OARD1: variants seen among roughly 807,000 people sequenced by gnomAD.
OARD1 encodes O-acyl-ADP-ribose deacylase 1.
OARD1 carries 19 observed loss-of-function variants against 19.7 expected under a neutral mutation model. The observed-to-expected ratio is 0.96, with a 90% CI of 0.67 to 1.41. OARD1 has a LOEUF of 1.41. OARD1 is among the 40% of genes most tolerant of loss of function. The probability of loss-of-function intolerance (pLI) is 0.00; values close to 1 mark genes in which losing one functional copy is unlikely to be tolerated. For synonymous variants in OARD1, 70 were observed against 61.8 expected, an observed-to-expected ratio of 1.13 and a Z score of -0.62; for missense variants, 190 against 183.8, an observed-to-expected ratio of 1.03 and a Z score of -0.20.
intron 1 of OARD1, chr6:41,089,762 G>C (rs746866480): frequency 6.3e-7 from 1 of 1,587,076 alleles, no homozygotes; most frequent in South Asian, 1.1e-5. Context: ...GGAAGAGTCA[G>C]ATAACTGAGT....
chr6:41,089,824 A>G, intron 1 of OARD1: 1 of 1,443,886 alleles, frequency 6.9e-7, no homozygotes, highest in Non-Finnish European at 9.3e-7. Flanking sequence ...AAAACCATAA[A>G]AAAATATATT....
chr6:41,071,572 A>G (rs1369050900), intron 2 of OARD1, 24 bp downstream of exon 2: 5 of 1,595,848 alleles, frequency 3.1e-6, no homozygotes, highest in Non-Finnish European at 4.3e-6. Context: ...TCAGTTCACC[A>G]ATAAGTCAAT....
chr6:41,085,065 CAAAA>C (rs1356864725), intron 1 of OARD1, among the ~76,000 whole-genome samples: 3 of 151,270 alleles, frequency 2.0e-5, no homozygotes, highest in Admixed American at 1.3e-4. Context: ...CAAAAAAAAA[CAAAA>C]AGTCATTATA....
intron 1 of OARD1, among the ~76,000 whole-genome samples, 178 bp downstream of exon 1, chr6:41,072,058 G>A (rs781224173): frequency 2.0e-5 from 3 of 152,218 alleles, no homozygotes; most frequent in African/African-American, 7.2e-5. Flanking sequence ...AAAACAGAAG[G>A]GACTTGGCCA....
chr6:41,088,183 C>T (rs546761578), intron 1 of OARD1, among the ~76,000 whole-genome samples: 1 of 152,158 alleles, frequency 6.6e-6, no homozygotes, highest in East Asian at 1.9e-4. Context: ...CTTTGGGTGG[C>T]CGAGGCGGGT....
intron 1 of OARD1, among the ~76,000 whole-genome samples, chr6:41,078,670 C>T (rs1290588198): frequency 6.6e-6 from 1 of 152,136 alleles, no homozygotes; most frequent in African/African-American, 2.4e-5. Flanking sequence ...CGTGTTACAA[C>T]TTAAAGAAGC....
chr6:41,071,781 G>C (rs1763417974), intron 1 of OARD1, 106 bp from the exon 2 acceptor site: 3 of 657,988 alleles, frequency 4.6e-6, no homozygotes, highest in African/African-American at 3.6e-5. Flanking sequence ...AACGTTTATC[G>C]ATGAATGTGA....
intron 1 of OARD1, chr6:41,097,591 G>A (rs1764397647): frequency 1.7e-6 from 1 of 601,788 alleles, no homozygotes; most frequent in Non-Finnish European, 2.9e-6. Flanking sequence ...AATTGAAGTT[G>A]CAAGCCTTTG....
At chr6:41,080,767 T>G (rs761131907) in intron 1 of OARD1, 5 of 1,524,676 alleles carry the variant, frequency 3.3e-6, no homozygotes, top group Non-Finnish European at 4.5e-6. Context: ...AACTACACAT[T>G]TCCTTCCTGA....
At chr6:41,075,073 C>T (rs1763696835), upstream of OARD1, among the ~76,000 whole-genome samples, 1 of 152,134 alleles carries the variant, frequency 6.6e-6, no homozygotes, top group African/African-American at 2.4e-5. Flanking sequence ...GTGAGTTTTT[C>T]ATTGTTGCTT....
intron 1 of OARD1, among the ~76,000 whole-genome samples, chr6:41,086,550 C>A (rs1204531105): frequency 2.6e-5 from 4 of 152,132 alleles, no homozygotes; most frequent in African/African-American, 9.6e-5. Flanking sequence ...GTTGAGTAGC[C>A]ATTTTTTAAA....
At chr6:41,089,483 AT>A (rs1764139930) in intron 1 of OARD1, 3 of 1,354,100 alleles carry the variant, frequency 2.2e-6, no homozygotes, top group Non-Finnish European at 2.9e-6. Context: ...TCTTCAGAAC[AT>A]TTTCTGCTTT....
Position 41,071,200 on chromosome 6 carries a change from C to T in OARD1, c.116G>A (p.Arg39His), listed in dbSNP as rs777911574. ...GAGGACAGCTATCCCAGCGCCCATG[C>T]GACAATCCTCACTGATACAGTGGGC... ...SLAHCISEDC[R>H]MGAGIAVLFK... Residue 39 changes from arginine (R) to histidine (H), a missense_variant, in exon 3 of 6, where the codon CGC (arginine) becomes CAC (histidine). Coordinates refer to ENST00000424266, the MANE Select transcript of OARD1 (RefSeq NM_001329686.2). 3 of 1,613,990 alleles carry T rather than the reference C, an allele frequency of 1.9e-6. No homozygotes were observed. The highest frequency in any genetic ancestry group is 1.3e-5 in the African/African-American group (1 of 74,920).
At chr6:41,068,407 A>C (rs1337881950) in intron 5 of OARD1, among the ~76,000 whole-genome samples, 3 of 152,238 alleles carry the variant, frequency 2.0e-5, no homozygotes, top group African/African-American at 7.2e-5. Context: ...TATAAAAGGG[A>C]ATGATAATTT....
At chr6:41,093,878 G>A (rs985146758) in intron 1 of OARD1, among the ~76,000 whole-genome samples, 1 of 152,210 alleles carries the variant, frequency 6.6e-6, no homozygotes, top group African/African-American at 2.4e-5. Flanking sequence ...GGAAAGTCCA[G>A]CCTGGTGTGG....
intron 1 of OARD1, among the ~76,000 whole-genome samples, chr6:41,096,770 A>G (rs2113826259): frequency 6.6e-6 from 1 of 152,326 alleles, no homozygotes; most frequent in East Asian, 1.9e-4. Context: ...AACAGCATAT[A>G]GAGTTTAGTG....
intron 4 of OARD1, chr6:41,069,553 C>A (rs1209176379): frequency 1.2e-5 from 2 of 173,022 alleles, no homozygotes; most frequent in Non-Finnish European, 2.4e-5. Context: ...ACTAAGGAAG[C>A]CACACCCTTT....
intron 1 of OARD1, among the ~76,000 whole-genome samples, chr6:41,095,477 T>A (rs914184755): frequency 3.9e-5 from 6 of 152,206 alleles, no homozygotes; most frequent in Non-Finnish European, 8.8e-5. Context: ...TCTTTTCTTT[T>A]TTTGGAGGCA....
chr6:41,091,487 G>A (rs1489926778), intron 1 of OARD1: 3 of 1,597,592 alleles, frequency 1.9e-6, no homozygotes, highest in Non-Finnish European at 1.7e-6. Flanking sequence ...TCTGTTCTGT[G>A]TGCCTGTTTT....
Sources: gnomAD v4.1 joint callset for allele counts (sites outside exome capture counted in the v4.1 genomes callset) on GRCh38, gnomAD v4.1.1 for gene constraint, MANE v1.5 for transcripts, NCBI Gene and HGNC (gene_info 2026-07-23, HGNC 2026-07-21) for gene names.